FAAH2: variants seen among roughly 807,000 people sequenced by gnomAD.
FAAH2 encodes the protein fatty-acid amide hydrolase 2.
FAAH2 carries 60 observed loss-of-function variants against 36.9 expected under a neutral mutation model. The observed-to-expected ratio is 1.63, with a 90% CI of 1.32 to 2.02. The LOEUF is 2.02. Ranked by LOEUF, FAAH2 falls within the 30% of genes most tolerant of loss-of-function variation. The pLI is 0.00. For missense variants in FAAH2, 689 were observed against 397.5 expected, an observed-to-expected ratio of 1.73 and a Z score of -6.23; for synonymous variants, 214 against 143.8, an observed-to-expected ratio of 1.49 and a Z score of -3.49.
intron 3 of FAAH2, among the ~76,000 whole-genome samples, chrX:57,322,320 G>A (rs1487157127): frequency 1.8e-5 from 2 of 111,868 alleles, no homozygotes; most frequent in Non-Finnish European, 3.8e-5. Context: ...AATATTTGAT[G>A]TAGGTCCCCG....
chrX:57,234,974 G>T, the FAAH2 span, among the ~76,000 whole-genome samples: 2 of 111,550 alleles, frequency 1.8e-5, no homozygotes, highest in South Asian at 3.8e-4. Flanking sequence ...AAAGGCGGAG[G>T]TTGCAGTGAG....
At position 57,312,217 on chromosome X, in the gene FAAH2, A is replaced by G. The variant is rs563308123; in HGVS notation, c.412+1488A>G. Among the ~76,000 whole-genome samples the G allele has an allele frequency of 4.4e-5, 5 of 112,514 alleles. No homozygotes were observed. In the South Asian group the frequency reaches 1.5e-3, roughly 33 times the overall value. On this transcript the variant is annotated intron_variant, in intron 3 of 10. Coordinates refer to ENST00000374900, the MANE Select transcript of FAAH2 (RefSeq NM_174912.4). ...CAACTCAAGAGCATGCCTGCATACT[A>G]AGGGAAATACAGAAGAGCTGCACAG...
At chrX:57,183,979 G>A in the FAAH2 span, among the ~76,000 whole-genome samples, 1 of 110,656 alleles carries the variant, frequency 9.0e-6, no homozygotes, top group Non-Finnish European at 1.9e-5. Context: ...TTGAGATGAG[G>A]ACTGAGATAT....
chrX:57,369,018 GATACAT>G (rs1221216192), intron 5 of FAAH2, among the ~76,000 whole-genome samples: 10 of 108,437 alleles, frequency 9.2e-5, no homozygotes, highest in Non-Finnish European at 9.5e-5. Context: ...TGATCAAAGA[GATACAT>G]ATAATGGAAA....
the FAAH2 span, among the ~76,000 whole-genome samples, chrX:57,184,183 G>T: frequency 9.0e-6 from 1 of 111,604 alleles, no homozygotes; most frequent in African/African-American, 3.3e-5. Context: ...TGTCATCTTT[G>T]TTGGACCCTT....
chrX:57,406,358 A>G (rs774776916), intron 7 of FAAH2, among the ~76,000 whole-genome samples: 18 of 112,370 alleles, frequency 1.6e-4, no homozygotes, highest in Admixed American at 1.6e-3. Context: ...ATGCTGTGTC[A>G]GCAGGTTTTT....
chrX:57,314,899 T>C (rs1393524392), intron 3 of FAAH2, among the ~76,000 whole-genome samples: 1 of 110,607 alleles, frequency 9.0e-6, no homozygotes, highest in African/African-American at 3.3e-5. Context: ...AAAAAATCAA[T>C]TCCAAAGCCA....
rs182503678 is a variant in FAAH2 at position 57,439,063 on chromosome X, C to T, written c.1116+7026C>T. On this transcript the variant is annotated intron_variant, in intron 8 of 10. Coordinates refer to ENST00000374900, the MANE Select transcript of FAAH2 (RefSeq NM_174912.4). ...TGCAGATAGTGACACAATAAACATA[C>T]GTGTGCATGTGTCTTTATAGTAGCA... 3.9e-3 allele frequency among the ~76,000 whole-genome samples: 435 copies of T among 110,825 alleles called. 2 individuals carry two copies. The highest frequency in any genetic ancestry group is 5.0e-3 in the African/African-American group (152 of 30,521).
chrX:57,323,292 A>G (rs1304862614), intron 3 of FAAH2, among the ~76,000 whole-genome samples: 1 of 111,727 alleles, frequency 9.0e-6, no homozygotes, highest in Non-Finnish European at 1.9e-5. Context: ...CACAATAAAC[A>G]TACGTGTGCA....
At position 57,355,445 on chromosome X, in the gene FAAH2, G is replaced by A. The variant is rs1351687393; in HGVS notation, c.742+14055G>A. Among the ~76,000 whole-genome samples, 3 of 110,730 alleles carry A rather than the reference G, an allele frequency of 2.7e-5. No homozygotes were observed. In the East Asian group the frequency reaches 8.5e-4, roughly 31 times the overall value. On this transcript the variant is annotated intron_variant, in intron 5 of 10. Transcript: ENST00000374900. ...AAAAAATAATCCATGGACATGAAAT[G>A]CCATTCCATGTATTTATGCTTTATT...
intron 5 of FAAH2, among the ~76,000 whole-genome samples, chrX:57,376,471 G>A (rs781734214): frequency 9.0e-6 from 1 of 111,221 alleles, no homozygotes; most frequent in African/African-American, 3.3e-5. Context: ...CCACTTATGA[G>A]TGAGAACATG....
At chrX:57,411,468 T>A (rs1002903508) in intron 7 of FAAH2, among the ~76,000 whole-genome samples, 1 of 110,573 alleles carries the variant, frequency 9.0e-6, no homozygotes, top group Non-Finnish European at 1.9e-5. Context: ...GGTCCTCAGG[T>A]AAGTCACCCT....
At chrX:57,237,828 A>G in the FAAH2 span, among the ~76,000 whole-genome samples, 1 of 111,747 alleles carries the variant, frequency 8.9e-6, no homozygotes. Flanking sequence ...TCCCATTAAA[A>G]AGTGGGCAAA....
chrX:57,312,696 A>G (rs1403452481), intron 3 of FAAH2, among the ~76,000 whole-genome samples: 1 of 110,784 alleles, frequency 9.0e-6, no homozygotes. Flanking sequence ...TCCTATACAG[A>G]ACACTAGCCT....
the FAAH2 span, among the ~76,000 whole-genome samples, chrX:57,181,757 G>T: frequency 9.0e-6 from 1 of 111,652 alleles, no homozygotes; most frequent in South Asian, 3.7e-4. Context: ...CCATAAAAAA[G>T]CCTGAATAGC....
At chrX:57,336,719 T>A (rs1002555900) in intron 4 of FAAH2, among the ~76,000 whole-genome samples, 1 of 111,222 alleles carries the variant, frequency 9.0e-6, no homozygotes, top group Non-Finnish European at 1.9e-5. Context: ...ACACAATATA[T>A]CAGAATCTCT....
the FAAH2 span, among the ~76,000 whole-genome samples, chrX:57,175,207 C>T: frequency 5.6e-3 from 623 of 111,636 alleles, 5 homozygotes; most frequent in African/African-American, 0.02. Context: ...CACTGTCTAT[C>T]TCTTTTCTTA....
chrX:57,314,014 C>T lies in FAAH2; in HGVS notation c.412+3285C>T, dbSNP rs183521056. 4.7e-4 allele frequency among the ~76,000 whole-genome samples: 52 copies of T among 111,552 alleles called. No individual in the cohort carries two copies. The East Asian group carries it at 0.014, about 31-fold the overall frequency. ...GGCCCATCTCACATGTAATGACACC[C>T]ACATGCTCAAAGTGAAAGGATGTAG... is the stretch of plus-strand genomic sequence containing the variant. On this transcript the variant is annotated intron_variant, in intron 3 of 10. Coordinates refer to ENST00000374900, the MANE Select transcript of FAAH2 (RefSeq NM_174912.4).
chrX:57,379,056 T>A (rs2054765780), intron 6 of FAAH2, among the ~76,000 whole-genome samples: 1 of 112,108 alleles, frequency 8.9e-6, no homozygotes, highest in Non-Finnish European at 1.9e-5. Flanking sequence ...TTTGTGAATT[T>A]GTGCATAAGG....
Sources: allele counts gnomAD v4.1 joint callset (sites outside exome capture counted in the v4.1 genomes callset), GRCh38; gene constraint gnomAD v4.1.1; transcripts MANE v1.5; gene names NCBI Gene and HGNC (gene_info 2026-07-23, HGNC 2026-07-21).